The following TBPL1 variants were observed in gnomAD, a reference collection of about 807,000 sequenced individuals.
TBPL1 encodes the protein TATA box-binding protein-like 1.
Under a neutral mutation model 22.1 loss-of-function variants are expected in TBPL1, and 4 were observed. The ratio of observed to expected loss-of-function variants is 0.18; its 90% CI spans 0.09 to 0.41. TBPL1 has a LOEUF of 0.41. Ranked by LOEUF, TBPL1 falls within the 10% of genes least tolerant of loss-of-function variation. TBPL1 has a pLI of 1.00. For missense variants in TBPL1, 115 were observed against 222.3 expected (o/e 0.52, Z 3.07); for synonymous variants, 64 against 71.0 (o/e 0.90, Z 0.50).
intron 1 of TBPL1, among the ~76,000 whole-genome samples, chr6:133,964,890 C>T (rs534606068): frequency 9.0e-4 from 137 of 152,268 alleles, no homozygotes; most frequent in African/African-American, 3.0e-3. Context: ...TAAAAACAGT[C>T]GAAACTATGA....
chr6:133,984,856 A>C (rs1013643739), intron 6 of TBPL1, 185 bp downstream of exon 6: 1 of 545,640 alleles, frequency 1.8e-6, no homozygotes, highest in South Asian at 2.6e-5. Flanking sequence ...TAAATGTTAC[A>C]CTTACTATTT....
intron 1 of TBPL1, among the ~76,000 whole-genome samples, chr6:133,959,077 T>C (rs1452514533): frequency 6.6e-6 from 1 of 152,138 alleles, no homozygotes; most frequent in Non-Finnish European, 1.5e-5. Context: ...TCTCACTCTG[T>C]CACCCAGACT....
At chr6:133,954,160 A>C (rs947667026) in intron 1 of TBPL1, among the ~76,000 whole-genome samples, 1 of 152,232 alleles carries the variant, frequency 6.6e-6, no homozygotes, top group South Asian at 2.1e-4. Flanking sequence ...CAATGTGCTC[A>C]TTGCAATAAG....
Position 133,984,381 on chromosome 6 carries a change from A to G in TBPL1, c.288A>G (p.Ile96Met). 6.2e-7 allele frequency: 1 copy of G among 1,608,518 alleles called. No individual in the cohort carries two copies. The stretch of plus-strand genomic sequence containing the variant: ...ATTTTACTTCTCTCCTAAAGGTAAT[A>G]TTTACAGATTTTAAGGTTGTTAACG... ...RSLQKLGFQV[I>M]FTDFKVVNVL... Residue 96 changes from isoleucine (I) to methionine (M), a missense_variant, in exon 5 of 7, where the codon ATA (isoleucine) becomes ATG (methionine). By Grantham distance (10) the Ile-to-Met change is conservative. Coordinates refer to ENST00000237264, the MANE Select transcript of TBPL1 (RefSeq NM_004865.4).
intron 3 of TBPL1, 81 bp from the exon 4 acceptor site, chr6:133,982,736 T>C (rs1776438427): frequency 6.3e-7 from 1 of 1,582,474 alleles, no homozygotes; most frequent in South Asian, 1.2e-5. Flanking sequence ...AGCAAAATCA[T>C]ATGTAAAGTT....
At chr6:133,957,999 A>C (rs1335512998) in intron 1 of TBPL1, among the ~76,000 whole-genome samples, 1 of 151,944 alleles carries the variant, frequency 6.6e-6, no homozygotes, top group Non-Finnish European at 1.5e-5. Context: ...TGACTATTGG[A>C]CTCATCTCTG....
intron 1 of TBPL1, among the ~76,000 whole-genome samples, chr6:133,959,734 C>T (rs1053256839): frequency 6.6e-6 from 1 of 152,176 alleles, no homozygotes; most frequent in African/African-American, 2.4e-5. Flanking sequence ...CCCTCTGCCT[C>T]AGCCTCCCAA....
intron 1 of TBPL1, among the ~76,000 whole-genome samples, chr6:133,958,878 T>A (rs1312163550): frequency 6.6e-6 from 1 of 152,218 alleles, no homozygotes; most frequent in African/African-American, 2.4e-5. Context: ...TTCAGCTGGT[T>A]TTTATAAGCT....
At chr6:133,986,897 C>T (rs2114397915) in intron 6 of TBPL1, 64 bp from the exon 7 acceptor site, 1 of 1,134,732 alleles carries the variant, frequency 8.8e-7, no homozygotes, top group African/African-American at 1.6e-5. Flanking sequence ...TCTGGAAAAT[C>T]AGTTTTTCCT....
At chr6:133,984,821 A>G (rs1404625643) in intron 6 of TBPL1, 150 bp downstream of exon 6, 3 of 628,102 alleles carry the variant, frequency 4.8e-6, no homozygotes, top group Non-Finnish European at 8.3e-6. Flanking sequence ...CACTAGATGC[A>G]TTTTGCCTAC....
chr6:133,977,158 G>A (rs9493783), intron 1 of TBPL1, among the ~76,000 whole-genome samples: 7,503 of 151,924 alleles, frequency 0.049, 615 homozygotes, highest in African/African-American at 0.17. Context: ...TTCATGCTTC[G>A]AAAAATGTGA....
In TBPL1 at chr6:133,955,224, G is replaced by C. The variant is rs184270299; in HGVS notation, c.-45+1799G>C. On this transcript the variant is annotated intron_variant, in intron 1 of 6. Coordinates refer to ENST00000237264, the MANE Select transcript of TBPL1 (RefSeq NM_004865.4). ...CTCAGGGCTGCCATCAGACTCACTT[G>C]ACCCAGATCTAGTTTGCCGTTGTCT... is the stretch of plus-strand genomic sequence containing the variant. 4.0e-5 allele frequency among the ~76,000 whole-genome samples: 6 copies of C among 149,026 alleles called. No individual in the cohort carries two copies. The East Asian group carries it at 1.2e-3, about 29-fold the overall frequency.
chr6:133,966,069 A>G (rs185041309), intron 1 of TBPL1, among the ~76,000 whole-genome samples: 53 of 152,196 alleles, frequency 3.5e-4, no homozygotes, highest in East Asian at 2.5e-3. Flanking sequence ...CTTCAGAGAC[A>G]GAGAGAGACA....
rs965958676 is a variant in TBPL1 at position 133,953,280 on chromosome 6, G to A, written c.-190G>A. 1 of 152,786 alleles carries A rather than the reference G, an allele frequency of 6.5e-6. No individual in the cohort carries two copies. The highest frequency in any genetic ancestry group is 6.5e-5 in the Admixed American group (1 of 15,294). 9.5% of individuals were successfully genotyped at this position (152,786 alleles called of 1,614,324 possible). A position where few individuals can be genotyped will look rare whatever the true frequency, so the allele number is the denominator to read the frequency against. Reference sequence around the variant, plus strand: ...GGAGTCCGAGCCTCGGGGGCTCCTAGCAACGGGCCGGGGCGGGAGTTCCAT... The same window carrying A: ...GGAGTCCGAGCCTCGGGGGCTCCTAACAACGGGCCGGGGCGGGAGTTCCAT... On this transcript the variant is annotated 5_prime_UTR_variant, in exon 1 of 7. Coordinates refer to ENST00000237264, the MANE Select transcript of TBPL1 (RefSeq NM_004865.4).
At chr6:133,978,028 G>T (rs761708161) in intron 1 of TBPL1, among the ~76,000 whole-genome samples, 12 of 152,194 alleles carry the variant, frequency 7.9e-5, no homozygotes, top group Admixed American at 6.5e-4. Flanking sequence ...GGCTATACCA[G>T]TTGTTGCCAG....
intron 1 of TBPL1, among the ~76,000 whole-genome samples, chr6:133,956,070 A>G (rs1308717475): frequency 6.6e-6 from 1 of 152,206 alleles, no homozygotes; most frequent in African/African-American, 2.4e-5. Context: ...TTGAGTGAAC[A>G]TGAGGACTGT....
chr6:133,955,169 CAT>C (rs1484883619), intron 1 of TBPL1, among the ~76,000 whole-genome samples: 47 of 150,876 alleles, frequency 3.1e-4, no homozygotes, highest in Admixed American at 4.0e-4. Flanking sequence ...TATCTTTGTG[CAT>C]ATGAGACTTG....
chr6:133,983,267 AG>A (rs2114386443), intron 4 of TBPL1, among the ~76,000 whole-genome samples: 1 of 152,360 alleles, frequency 6.6e-6, no homozygotes, highest in Admixed American at 6.5e-5. Context: ...ACCAGCTGGC[AG>A]GCTCTCACAC....
At chr6:133,983,016 G>A in intron 4 of TBPL1, 136 bp downstream of exon 4, 1 of 757,762 alleles carries the variant, frequency 1.3e-6, no homozygotes, top group Non-Finnish European at 2.0e-6. Flanking sequence ...TTTTAATACT[G>A]CCCTTCAGTG....
Sources: allele counts gnomAD v4.1 joint callset (sites outside exome capture counted in the v4.1 genomes callset), GRCh38; gene constraint gnomAD v4.1.1; transcripts MANE v1.5; gene names NCBI Gene and HGNC (gene_info 2026-07-23, HGNC 2026-07-21).